NLRP1: variants seen among roughly 807,000 people sequenced by gnomAD.
NLRP1 encodes the protein NACHT, LRR and PYD domains-containing protein 1.
In NLRP1, 94 loss-of-function variants were observed where a neutral mutation model predicts 136.7. The observed-to-expected ratio is 0.69, with a 90% CI of 0.58 to 0.82. The LOEUF is 0.82. Among genes scored for constraint, NLRP1 ranks in the 40% least tolerant of loss-of-function variants. The probability of loss-of-function intolerance (pLI) is 0.00; values close to 1 mark genes in which losing one functional copy is unlikely to be tolerated. For missense variants in NLRP1, 1,575 were observed against 1,802.7 expected, an observed-to-expected ratio of 0.87 and a Z score of 2.29; for synonymous variants, 690 against 725.1, an observed-to-expected ratio of 0.95 and a Z score of 0.78.
At position 5,558,638 on chromosome 17, in the gene NLRP1, C is replaced by T; in HGVS notation, c.2058G>A (p.Met686Ile). 1 of 1,613,896 alleles carries T rather than the reference C, an allele frequency of 6.2e-7. No homozygotes were observed. The highest frequency in any genetic ancestry group is 8.5e-7 in the Non-Finnish European group (1 of 1,179,812). ...GLLSDEGERE[M>I]ENIFHCRLSQ... ...ACAGCCGGCAGTGAAAGATGTTCTCCATCTCTCTCTCCCCCTCATCACTTA... is the reference window on the plus strand; with the variant it reads ...ACAGCCGGCAGTGAAAGATGTTCTCTATCTCTCTCTCCCCCTCATCACTTA... The change falls in exon 4 of 17, where the codon ATG (methionine) becomes ATA (isoleucine). Residue 686 changes from methionine (M) to isoleucine (I), a missense_variant. Physicochemically the swap from Met to Ile is conservative, Grantham distance 10. Transcript: ENST00000572272.
At chr17:5,561,110 G>A (rs1323015278) in intron 3 of NLRP1, among the ~76,000 whole-genome samples, 1 of 152,214 alleles carries the variant, frequency 6.6e-6, no homozygotes, top group Non-Finnish European at 1.5e-5. Context: ...AGGCTGGAGT[G>A]CAGTGGCACG....
At chr17:5,530,795 G>T (rs1201724081) in intron 11 of NLRP1, 91 bp from the exon 12 acceptor site, 1 of 944,788 alleles carries the variant, frequency 1.1e-6, no homozygotes, top group South Asian at 1.4e-5. Flanking sequence ...TTGCGGATAC[G>T]GTACAGTGGC....
At chr17:5,522,997 C>T (rs1019696841) in intron 12 of NLRP1, among the ~76,000 whole-genome samples, 19 of 152,184 alleles carry the variant, frequency 1.2e-4, no homozygotes, top group African/African-American at 4.6e-4. Context: ...GATGCTACTA[C>T]TCCCTGGCAG....
chr17:5,519,848 C>CTTTTTT (rs755028729), intron 14 of NLRP1, among the ~76,000 whole-genome samples: 5 of 90,266 alleles, frequency 5.5e-5, no homozygotes, highest in Admixed American at 1.4e-4. Context: ...TAAATCAGGT[C>CTTTTTT]TTTTTTTTTT....
chr17:5,515,127 CT>C, intron 16 of NLRP1, 54 bp from the exon 17 acceptor site: 1 of 1,494,452 alleles, frequency 6.7e-7, no homozygotes. Context: ...CAATCCCCAC[CT>C]TCAGTGCTTT....
intron 15 of NLRP1, 142 bp downstream of exon 15, chr17:5,517,604 T>C (rs1170900837): frequency 3.3e-6 from 3 of 913,210 alleles, no homozygotes; most frequent in East Asian, 2.5e-5. Context: ...GCCAGGCTGG[T>C]CTTGAACTCC....
At chr17:5,578,811 C>G (rs990619563) in intron 3 of NLRP1, among the ~76,000 whole-genome samples, 1 of 152,168 alleles carries the variant, frequency 6.6e-6, no homozygotes, top group South Asian at 2.1e-4. Context: ...CACATGCACA[C>G]GTATGTTTAT....
chr17:5,578,971 T>A (rs986073598), intron 3 of NLRP1, among the ~76,000 whole-genome samples: 91 of 152,266 alleles, frequency 6.0e-4, no homozygotes, highest in African/African-American at 2.1e-3. Flanking sequence ...GGGAAATGGA[T>A]GAAGCTGGAA....
chr17:5,506,902 C>CAAAAAAAAAAAAAAAAAAAAAA (rs199684717), intron 15 of NLRP1, among the ~76,000 whole-genome samples: 1 of 88,788 alleles, frequency 1.1e-5, no homozygotes, highest in Non-Finnish European at 2.4e-5. Context: ...AACTCCATCT[C>CAAAAAAAAAAAAAAAAAAAAAA]AAAAAAAAAA....
chr17:5,524,271 A>G (rs969497170), intron 12 of NLRP1, among the ~76,000 whole-genome samples: 3 of 152,208 alleles, frequency 2.0e-5, no homozygotes, highest in African/African-American at 4.8e-5. Context: ...ATTGTAGTCC[A>G]TGATACTTTG....
intron 9 of NLRP1, among the ~76,000 whole-genome samples, chr17:5,533,675 G>T (rs1188036272): frequency 6.6e-6 from 1 of 150,950 alleles, no homozygotes; most frequent in Non-Finnish European, 1.5e-5. Context: ...TGCCATAGAC[G>T]TTCTGGAGAG....
chr17:5,577,183 T>C (rs1261122198), intron 3 of NLRP1, among the ~76,000 whole-genome samples: 1 of 152,206 alleles, frequency 6.6e-6, no homozygotes, highest in Non-Finnish European at 1.5e-5. Flanking sequence ...ACTGCAAGCA[T>C]TCCCTTTGAA....
chr17:5,514,401 A>T lies in NLRP1; in HGVS notation c.*353T>A, dbSNP rs201274642. On this transcript the variant is annotated 3_prime_UTR_variant, in exon 17 of 17. Transcript: ENST00000572272. ...AATTTTGGGGCTCACCCTGTGACAC[A>T]GCCAGAGGCAAATGGTTCCATGTCC... 14 of 1,116,836 alleles carry T rather than the reference A, an allele frequency of 1.3e-5. No individual in the cohort carries two copies. The South Asian group carries it at 3.5e-4, about 28-fold the overall frequency. 69.2% of individuals were successfully genotyped at this position (1,116,836 alleles called of 1,614,324 possible). A position where few individuals can be genotyped will look rare whatever the true frequency, so the allele number is the denominator to read the frequency against.
intron 12 of NLRP1, among the ~76,000 whole-genome samples, chr17:5,523,297 A>C (rs748999272): frequency 3.0e-4 from 45 of 152,046 alleles, no homozygotes; most frequent in African/African-American, 1.1e-3. Context: ...AAAACAAAAA[A>C]CAAAAAACAA....
chr17:5,525,979 A>ATTTT (rs10643993), intron 12 of NLRP1, among the ~76,000 whole-genome samples: 1 of 147,764 alleles, frequency 6.8e-6, no homozygotes. Flanking sequence ...AAGCTACTAA[A>ATTTT]TTTTTTTTTT....
At chr17:5,544,978 C>T (rs893624157) in intron 5 of NLRP1, among the ~76,000 whole-genome samples, 1 of 152,094 alleles carries the variant, frequency 6.6e-6, no homozygotes, top group Non-Finnish European at 1.5e-5. Flanking sequence ...GGGAAGGAGG[C>T]TGAAGGTGGG....
chr17:5,517,173 C>G (rs2151735349), intron 15 of NLRP1, among the ~76,000 whole-genome samples: 1 of 152,258 alleles, frequency 6.6e-6, no homozygotes, highest in East Asian at 1.9e-4. Flanking sequence ...TCTGTTAATT[C>G]AAGGGCACTG....
In NLRP1 at chr17:5,517,666, G is replaced by A. The variant is rs1390166524; in HGVS notation, c.4057+80C>T. The A allele has an allele frequency of 2.1e-5, 32 of 1,529,342 alleles. No individual in the cohort carries two copies. The Admixed American group carries it at 2.4e-4, about 12-fold the overall frequency. 94.7% of individuals were successfully genotyped at this position (1,529,342 alleles called of 1,614,324 possible). A position where few individuals can be genotyped will look rare whatever the true frequency, so the allele number is the denominator to read the frequency against. On this transcript the variant is annotated intron_variant, in intron 15 of 16. Coordinates refer to ENST00000572272, the MANE Select transcript of NLRP1 (RefSeq NM_033004.4). ...CTCCCAAAGTTCTGGGATTACAGGCGTGAGCCACTGTGCCCAGCTCCTTCA... is the reference window on the plus strand; with the variant it reads ...CTCCCAAAGTTCTGGGATTACAGGCATGAGCCACTGTGCCCAGCTCCTTCA...
At chr17:5,557,346 T>C (rs1462571107) in intron 4 of NLRP1, among the ~76,000 whole-genome samples, 2 of 152,090 alleles carry the variant, frequency 1.3e-5, no homozygotes, top group Non-Finnish European at 2.9e-5. Context: ...ATGAATTTTA[T>C]TGTGAGAAAA....
Sources: gnomAD v4.1 joint callset for allele counts (sites outside exome capture counted in the v4.1 genomes callset) on GRCh38, gnomAD v4.1.1 for gene constraint, MANE v1.5 for transcripts, NCBI Gene and HGNC (gene_info 2026-07-23, HGNC 2026-07-21) for gene names.